Variants in TXNL4A observed in about 807,000 individuals in gnomAD.
TXNL4A encodes the protein thioredoxin-like protein 4A.
A neutral mutation model predicts 14.6 loss-of-function variants in TXNL4A; 17 were observed. That is an observed-to-expected ratio of 1.16 (90% CI 0.80 to 1.74). The LOEUF (loss-of-function observed/expected upper bound fraction) is 1.74, where lower values mean the gene tolerates loss of function less well. Among genes scored for constraint, TXNL4A ranks in the 40% most tolerant of loss-of-function variants. The pLI, the probability that TXNL4A is intolerant of heterozygous loss-of-function variation, is 0.00. For synonymous variants in TXNL4A, 83 were observed against 70.6 expected (o/e 1.18, Z -0.88); for missense variants, 74 against 195.2 (o/e 0.38, Z 3.70).
At chr18:80,021,819 A>C (rs2051850979) in intron 1 of TXNL4A, among the ~76,000 whole-genome samples, 1 of 152,092 alleles carries the variant, frequency 6.6e-6, no homozygotes, top group South Asian at 2.1e-4. Context: ...GCTTTTGGTT[A>C]CGGAAGAAGG....
chr18:79,987,925 G>A (rs938490620), intron 1 of TXNL4A, among the ~76,000 whole-genome samples: 10 of 152,258 alleles, frequency 6.6e-5, no homozygotes, highest in African/African-American at 2.4e-4. Context: ...AAACCTGCAA[G>A]TGCATTTTGT....
At chr18:80,032,772 G>A (rs1020711862) in intron 1 of TXNL4A, among the ~76,000 whole-genome samples, 1 of 152,208 alleles carries the variant, frequency 6.6e-6, no homozygotes, top group Non-Finnish European at 1.5e-5. Flanking sequence ...CCTGGAAGGT[G>A]GAGGTTGCAG....
At chr18:80,019,748 A>C (rs1341228664) in intron 1 of TXNL4A, among the ~76,000 whole-genome samples, 1 of 152,194 alleles carries the variant, frequency 6.6e-6, no homozygotes, top group East Asian at 1.9e-4. Flanking sequence ...AAGGTTTCCC[A>C]AGTATGGTTC....
At chr18:80,022,394 C>T (rs1265144802) in intron 1 of TXNL4A, among the ~76,000 whole-genome samples, 1 of 152,170 alleles carries the variant, frequency 6.6e-6, no homozygotes, top group Admixed American at 6.5e-5. Context: ...ACAATGCTTA[C>T]AAAGATTTAG....
At chr18:79,997,015 G>GGGGAAGGGAAATGAGACA (rs1199978704) in intron 1 of TXNL4A, among the ~76,000 whole-genome samples, 5 of 152,144 alleles carry the variant, frequency 3.3e-5, no homozygotes, top group Admixed American at 3.3e-4. Context: ...TTTTGTGACT[G>GGGGAAGGGAAATGAGACA]GGGAAGGGAA....
At chr18:80,022,309 T>C (rs2051855225) in intron 1 of TXNL4A, among the ~76,000 whole-genome samples, 1 of 151,992 alleles carries the variant, frequency 6.6e-6, no homozygotes, top group Non-Finnish European at 1.5e-5. Flanking sequence ...TCCCCAAGGG[T>C]TTTTTTCTTG....
chr18:80,012,920 C>T (rs935779806), intron 1 of TXNL4A, among the ~76,000 whole-genome samples: 36 of 152,028 alleles, frequency 2.4e-4, no homozygotes, highest in Non-Finnish European at 4.3e-4. Context: ...CCGGCCGCCC[C>T]CTCGCCCGTC....
rs71163850 is a variant in TXNL4A at position 80,021,182 on chromosome 18, C to CT, written c.-61+12668dup. 3.0e-3 allele frequency among the ~76,000 whole-genome samples: 445 copies of CT among 147,920 alleles called. 2 individuals carry two copies. The highest frequency in any genetic ancestry group is 8.2e-3 in the African/African-American group (330 of 40,114). ...AACTAGTTAGCCTGGTTGGAGGGAT[C>CT]TTTTTTTTTTTTGAGATGGAGTCTT... On this transcript the variant is annotated intron_variant, in intron 1 of 2. Coordinates refer to the TXNL4A transcript ENST00000585474.
At chr18:79,984,894 G>A (rs988924818) in intron 1 of TXNL4A, among the ~76,000 whole-genome samples, 1 of 152,234 alleles carries the variant, frequency 6.6e-6, no homozygotes, top group African/African-American at 2.4e-5. Flanking sequence ...ACTGCTGTGA[G>A]TGTTCCTACA....
At chr18:80,004,153 T>C (rs893381715) in intron 1 of TXNL4A, among the ~76,000 whole-genome samples, 2 of 145,952 alleles carry the variant, frequency 1.4e-5, no homozygotes, top group East Asian at 4.0e-4. Flanking sequence ...AGCCTGGCAG[T>C]GTAGGCAGGA....
intron 2 of TXNL4A, among the ~76,000 whole-genome samples, chr18:79,974,531 A>G (rs184142748): frequency 1.7e-4 from 26 of 152,290 alleles, no homozygotes; most frequent in Non-Finnish European, 3.4e-4. Context: ...ATGGGGTCTC[A>G]CTGTCATCTA....
chr18:79,978,091 C>T (rs2051407092), intron 1 of TXNL4A, among the ~76,000 whole-genome samples: 1 of 152,164 alleles, frequency 6.6e-6, no homozygotes, highest in Admixed American at 6.6e-5. Flanking sequence ...CCACCGTTTC[C>T]CAGAATAGTT....
At chr18:80,023,409 G>A (rs1465214233) in intron 1 of TXNL4A, among the ~76,000 whole-genome samples, 5 of 152,122 alleles carry the variant, frequency 3.3e-5, no homozygotes, top group Admixed American at 2.6e-4. Context: ...ACTAGGTGGC[G>A]CCGTAGGGTT....
At chr18:80,008,124 C>A (rs768388566) in intron 1 of TXNL4A, among the ~76,000 whole-genome samples, 35 of 152,110 alleles carry the variant, frequency 2.3e-4, no homozygotes, top group African/African-American at 7.0e-4. Context: ...TGCACTCCAG[C>A]CTGGGAGATG....
chr18:80,022,436 C>G (rs2145126320), intron 1 of TXNL4A, among the ~76,000 whole-genome samples: 1 of 152,358 alleles, frequency 6.6e-6, no homozygotes. Context: ...AACCTGTACA[C>G]TGGGAACCTT....
intron 1 of TXNL4A, among the ~76,000 whole-genome samples, chr18:80,008,187 C>T (rs2051745354): frequency 6.6e-6 from 1 of 152,180 alleles, no homozygotes; most frequent in African/African-American, 2.4e-5. Context: ...TCTCCAGCTT[C>T]AGTGTGACTT....
intron 2 of TXNL4A, among the ~76,000 whole-genome samples, chr18:79,975,793 G>C (rs1431210892): frequency 2.0e-5 from 3 of 152,056 alleles, no homozygotes; most frequent in Non-Finnish European, 4.4e-5. Context: ...AACACACTCG[G>C]GATATTTAGC....
intron 1 of TXNL4A, among the ~76,000 whole-genome samples, chr18:80,033,260 T>C (rs1268133734): frequency 1.3e-5 from 2 of 151,284 alleles, no homozygotes; most frequent in Non-Finnish European, 2.9e-5. Context: ...CACGTACATA[T>C]GCACACATAC....
chr18:79,987,329 T>C (rs2051566318), intron 1 of TXNL4A, among the ~76,000 whole-genome samples: 1 of 152,228 alleles, frequency 6.6e-6, no homozygotes, highest in Non-Finnish European at 1.5e-5. Flanking sequence ...ATATAAAATA[T>C]GTCCTTACAT....
Sources: allele counts gnomAD v4.1 joint callset (sites outside exome capture counted in the v4.1 genomes callset), GRCh38; gene constraint gnomAD v4.1.1; transcripts MANE v1.5; gene names NCBI Gene and HGNC (gene_info 2026-07-23, HGNC 2026-07-21).